GALNT11: variants seen among roughly 807,000 people sequenced by gnomAD.
GALNT11 encodes the protein polypeptide N-acetylgalactosaminyltransferase 11.
GALNT11 carries 47 observed loss-of-function variants against 72.7 expected under a neutral mutation model. The observed-to-expected ratio is 0.65, with a 90% CI of 0.51 to 0.82. The LOEUF is 0.82. Ranked by LOEUF, GALNT11 falls within the 40% of genes least tolerant of loss-of-function variation. The probability of loss-of-function intolerance (pLI) is 0.00; values close to 1 mark genes in which losing one functional copy is unlikely to be tolerated. For synonymous variants in GALNT11, 270 were observed against 286.6 expected (o/e 0.94, Z 0.58); for missense variants, 677 against 778.4 (o/e 0.87, Z 1.55).
chr7:152,076,088 AAAG>A lies in GALNT11; in HGVS notation c.-38-18094_-38-18092del, dbSNP rs1260506871. 4.2e-4 allele frequency among the ~76,000 whole-genome samples: 62 copies of A among 147,662 alleles called. 1 individual carries two copies. The highest frequency in any genetic ancestry group is 1.2e-3 in the African/African-American group (46 of 39,534). Reference sequence around the variant, plus strand: ...AAAAAAAAAAAAAAAAAAAAAAAAAAAAGAAGAAGAGAGAAAAGTTCATCGCTT... The same window carrying A: ...AAAAAAAAAAAAAAAAAAAAAAAAAAAAGAAGAGAGAAAAGTTCATCGCTT... On this transcript the variant is annotated intron_variant, in intron 1 of 11. Coordinates refer to ENST00000430044, the MANE Select transcript of GALNT11 (RefSeq NM_022087.4).
intron 1 of GALNT11, among the ~76,000 whole-genome samples, chr7:152,060,004 T>C (rs1036891105): frequency 2.0e-5 from 3 of 152,234 alleles, no homozygotes; most frequent in Admixed American, 6.5e-5. Context: ...ATTGAAAATA[T>C]ATTGTTTAGT....
At chr7:152,074,997 C>T (rs531376700) in intron 1 of GALNT11, 1 of 152,284 alleles carries the variant, frequency 6.6e-6, no homozygotes, top group East Asian at 1.9e-4. Context: ...TTACTCTTCC[C>T]CTCCCCTGCC....
chr7:152,112,536 T>TCAA (rs2088354425), intron 7 of GALNT11, among the ~76,000 whole-genome samples: 1 of 148,666 alleles, frequency 6.7e-6, no homozygotes, highest in Admixed American at 6.7e-5. Context: ...AGACTGTGTC[T>TCAA]CAACAAAAAA....
chr7:152,081,116 G>T lies in GALNT11; in HGVS notation c.-38-13074G>T, dbSNP rs558690643. On this transcript the variant is annotated intron_variant, in intron 1 of 11. Transcript: ENST00000430044. ...GATTTTCATTAAATCATTCAGAAAT[G>T]ATTTAGATTTCTGAAAGATTAAGAT... 5.9e-5 allele frequency among the ~76,000 whole-genome samples: 9 copies of T among 152,264 alleles called. No homozygotes were observed. In the East Asian group the frequency reaches 1.7e-3, roughly 29 times the overall value.
intron 1 of GALNT11, among the ~76,000 whole-genome samples, chr7:152,042,640 T>A (rs1487703649): frequency 1.3e-5 from 2 of 152,206 alleles, no homozygotes; most frequent in Admixed American, 1.3e-4. Flanking sequence ...GCAAATTTTT[T>A]CCTGTTCCCA....
chr7:152,097,633 G>C (rs2086477603), intron 2 of GALNT11, among the ~76,000 whole-genome samples: 1 of 152,252 alleles, frequency 6.6e-6, no homozygotes, highest in African/African-American at 2.4e-5. Context: ...GATAAACTAA[G>C]TGTGGTCTAT....
chr7:152,079,013 G>C (rs1388777012), intron 1 of GALNT11, among the ~76,000 whole-genome samples: 1 of 152,230 alleles, frequency 6.6e-6, no homozygotes, highest in Non-Finnish European at 1.5e-5. Flanking sequence ...TGGGAAGAAT[G>C]ACTCTCACGG....
intron 1 of GALNT11, among the ~76,000 whole-genome samples, chr7:152,062,929 T>C (rs1209867779): frequency 6.6e-6 from 1 of 152,188 alleles, no homozygotes. Context: ...AAATTCTCTT[T>C]TTTTGTTGTG....
At position 152,094,423 on chromosome 7, in the gene GALNT11, G is replaced by C. The variant is rs184074640; in HGVS notation, c.196G>C (p.Val66Leu). The C allele has an allele frequency of 1.5e-4, 239 of 1,614,164 alleles. No homozygotes were observed. The highest frequency in any genetic ancestry group is 1.2e-3 in the Admixed American group (74 of 60,022). Residue 66 changes from valine to leucine, a missense_variant, in exon 2 of 12, where the codon GTG (valine) becomes CTG (leucine). Transcript: ENST00000430044. The surrounding 1 kb of genome is among the most constrained non-coding windows in gnomAD (Gnocchi z 4.3). ...CCGTTTCACTCGAGGCCCAAGTCGA[G>C]TGCTCGAGCCACAGTTCAAAGCAAA... ...YPRFTRGPSR[V>L]LEPQFKANKI...
intron 1 of GALNT11, among the ~76,000 whole-genome samples, chr7:152,066,341 C>T (rs1251070940): frequency 6.6e-6 from 1 of 152,220 alleles, no homozygotes; most frequent in East Asian, 1.9e-4. Context: ...TCTGTTACAG[C>T]TTCCCTTGGC....
chr7:152,040,197 C>T (rs1032987202), intron 1 of GALNT11, among the ~76,000 whole-genome samples: 22 of 151,520 alleles, frequency 1.5e-4, no homozygotes, highest in African/African-American at 4.6e-4. Context: ...CAAGAGGTGA[C>T]GTTTAACACA....
chr7:152,121,721 C>T lies in GALNT11; in HGVS notation c.*44C>T. The T allele has an allele frequency of 6.3e-7, 1 of 1,595,596 alleles. No individual in the cohort carries two copies. The highest frequency in any genetic ancestry group is 8.6e-7 in the Non-Finnish European group (1 of 1,168,466). ...AACGTTGCTTCATCAGGCGTTGCCT[C>T]CGGTGTGGAGTTTGGGGCTTTAGGA... On this transcript the variant is annotated 3_prime_UTR_variant, in exon 12 of 12. Coordinates refer to ENST00000430044, the MANE Select transcript of GALNT11 (RefSeq NM_022087.4).
chr7:152,044,390 G>A (rs189707587), intron 1 of GALNT11, among the ~76,000 whole-genome samples: 214 of 152,262 alleles, frequency 1.4e-3, no homozygotes, highest in Non-Finnish European at 1.7e-3. Context: ...TGGGCCAGGT[G>A]TTCCTTGCCC....
chr7:152,051,214 T>G (rs1186525196), intron 1 of GALNT11, among the ~76,000 whole-genome samples: 4 of 148,434 alleles, frequency 2.7e-5, no homozygotes, highest in African/African-American at 7.4e-5. Context: ...TTTTTTTTTT[T>G]TTTTTTTTTT....
intron 1 of GALNT11, chr7:152,027,804 G>A (rs2082100113): frequency 6.1e-6 from 1 of 164,000 alleles, no homozygotes. Flanking sequence ...TCCTTCTGGT[G>A]GGTTCGTGGT....
chr7:152,101,887 C>A (rs1026164620), intron 3 of GALNT11, among the ~76,000 whole-genome samples: 2 of 152,112 alleles, frequency 1.3e-5, no homozygotes, highest in African/African-American at 4.8e-5. Flanking sequence ...CCACCTTGGC[C>A]TCCCAAAGTG....
intron 2 of GALNT11, among the ~76,000 whole-genome samples, chr7:152,099,346 A>T (rs932380161): frequency 4.0e-5 from 5 of 124,800 alleles, no homozygotes; most frequent in Non-Finnish European, 7.7e-5. Flanking sequence ...ATGGACTTTT[A>T]TTTATTTATT....
chr7:152,035,688 G>A (rs758116814), intron 1 of GALNT11, among the ~76,000 whole-genome samples: 1 of 152,216 alleles, frequency 6.6e-6, no homozygotes, highest in Non-Finnish European at 1.5e-5. Context: ...CTTTAGTCCA[G>A]CGGCTGTGCT....
chr7:152,056,298 G>A (rs1337141154), intron 1 of GALNT11, among the ~76,000 whole-genome samples: 1 of 152,220 alleles, frequency 6.6e-6, no homozygotes. Context: ...AGGATGTGCA[G>A]CATCTGGGGC....
Sources: gnomAD v4.1 joint callset for allele counts (sites outside exome capture counted in the v4.1 genomes callset) on GRCh38, gnomAD v4.1.1 for gene constraint, Gnocchi (gnomAD v3.1) non-coding constraint, MANE v1.5 for transcripts, NCBI Gene and HGNC (gene_info 2026-07-23, HGNC 2026-07-21) for gene names.